The following PAK3 variants were observed in gnomAD, a reference collection of about 807,000 sequenced individuals.
PAK3 encodes p21 (RAC1) activated kinase 3, also known as serine/threonine-protein kinase PAK 3.
In PAK3, 4 loss-of-function variants were observed where a neutral mutation model predicts 41.0. That is an observed-to-expected ratio of 0.10 (90% CI 0.05 to 0.22). The LOEUF (loss-of-function observed/expected upper bound fraction) is 0.22. Among genes scored for constraint, PAK3 ranks in the 10% least tolerant of loss-of-function variants. PAK3 has a pLI of 1.00. For missense variants in PAK3, 205 were observed against 409.9 expected (o/e 0.50, Z 4.32); for synonymous variants, 146 against 139.6 (o/e 1.05, Z -0.32).
At chrX:111,006,765 G>C (rs1214554823) in intron 1 of PAK3, among the ~76,000 whole-genome samples, 1 of 109,486 alleles carries the variant, frequency 9.1e-6, no homozygotes, top group Non-Finnish European at 1.9e-5. Context: ...TTAAAATTCA[G>C]TTTCTGATTC....
intron 1 of PAK3, among the ~76,000 whole-genome samples, chrX:111,039,131 A>G (rs1033227488): frequency 8.9e-6 from 1 of 112,192 alleles, no homozygotes; most frequent in Non-Finnish European, 1.9e-5. Flanking sequence ...GTTTTCTTGG[A>G]TGACATTTTA....
rs1173602433 is a variant in PAK3, at chrX:111,111,998, CT to C, written c.-28+8696del. Among the ~76,000 whole-genome samples, 4 of 111,514 alleles carry C rather than the reference CT, an allele frequency of 3.6e-5. No homozygotes were observed. In the East Asian group the frequency reaches 1.1e-3, roughly 32 times the overall value. On this transcript the variant is annotated intron_variant, in intron 4 of 17. Transcript: ENST00000372007. ...TTGACTGATTATCTTAGTGTTGTCA[CT>C]TTTCAAAATGATTTCCATGTTCCTA...
rs185560418 is a variant in PAK3 at position 111,139,583 on chromosome X, G to A, written c.176-2513G>A. Among the ~76,000 whole-genome samples the A allele has an allele frequency of 4.5e-5, 5 of 112,057 alleles. No individual in the cohort carries two copies. In the East Asian group the frequency reaches 1.4e-3, roughly 32 times the overall value. ...TGTGATAGAGAACACCAGAAGAGGA[G>A]CAAACTTGGGCTTCCTGCCTTTGTT... On this transcript the variant is annotated intron_variant, in intron 5 of 17. Coordinates refer to ENST00000372007, the MANE Select transcript of PAK3 (RefSeq NM_002578.5).
At chrX:111,179,027 AT>A (rs924950637) in intron 11 of PAK3, among the ~76,000 whole-genome samples, 1 of 105,987 alleles carries the variant, frequency 9.4e-6, no homozygotes, top group Admixed American at 1.0e-4. Context: ...ATATATATAT[AT>A]ATATGGTTGA....
intron 1 of PAK3, among the ~76,000 whole-genome samples, chrX:110,966,135 A>AT (rs764451501): frequency 9.0e-6 from 1 of 111,717 alleles, no homozygotes; most frequent in Non-Finnish European, 1.9e-5. Flanking sequence ...AGAAATGTAT[A>AT]TTTTTTTCAA....
chrX:111,215,700 A>G (rs2094872337), intron 16 of PAK3, among the ~76,000 whole-genome samples: 1 of 112,220 alleles, frequency 8.9e-6, no homozygotes, highest in African/African-American at 3.2e-5. Context: ...GAAATATACA[A>G]TTATTAGCAA....
chrX:111,130,185 A>G (rs2093698559), intron 5 of PAK3, among the ~76,000 whole-genome samples: 1 of 111,755 alleles, frequency 8.9e-6, no homozygotes, highest in Admixed American at 9.5e-5. Flanking sequence ...GTTTTTGAAG[A>G]TGATACCACT....
intron 1 of PAK3, among the ~76,000 whole-genome samples, chrX:111,027,368 G>A (rs948880275): frequency 1.9e-4 from 21 of 112,082 alleles, no homozygotes; most frequent in African/African-American, 6.5e-4. Flanking sequence ...ATAATCAGCA[G>A]AGTTAACAGA....
At chrX:111,155,018 A>C (rs1413655068) in intron 8 of PAK3, among the ~76,000 whole-genome samples, 1 of 111,532 alleles carries the variant, frequency 9.0e-6, no homozygotes, top group Non-Finnish European at 1.9e-5. Flanking sequence ...ATTAAAATGA[A>C]GTCTATGTTA....
intron 5 of PAK3, among the ~76,000 whole-genome samples, chrX:111,132,528 C>T (rs1366262800): frequency 9.0e-6 from 1 of 110,684 alleles, no homozygotes; most frequent in Non-Finnish European, 1.9e-5. Context: ...GTGCACCTCC[C>T]AGGAGGGCCT....
chrX:110,997,690 T>C (rs758161395), intron 1 of PAK3, among the ~76,000 whole-genome samples: 2 of 111,660 alleles, frequency 1.8e-5, no homozygotes, highest in Non-Finnish European at 3.8e-5. Flanking sequence ...CTTGTTAAGT[T>C]TGATGTGCAG....
intron 1 of PAK3, among the ~76,000 whole-genome samples, chrX:110,964,293 G>A (rs2091038399): frequency 1.8e-5 from 2 of 111,944 alleles, no homozygotes; most frequent in Non-Finnish European, 3.8e-5. Context: ...TGAGATCCAA[G>A]GCCATGTTTT....
intron 10 of PAK3, 31 bp downstream of exon 10, chrX:111,163,758 C>T (rs747885738): frequency 1.9e-6 from 2 of 1,075,693 alleles, no homozygotes; most frequent in Non-Finnish European, 2.6e-6. Flanking sequence ...TTACTTTCTA[C>T]ACGGGAGTGT....
chrX:110,984,931 C>G (rs1273212982), intron 1 of PAK3, among the ~76,000 whole-genome samples: 2 of 110,316 alleles, frequency 1.8e-5, no homozygotes, highest in African/African-American at 6.6e-5. Context: ...GAGTTTGAGA[C>G]CAGCCTGGGC....
intron 1 of PAK3, among the ~76,000 whole-genome samples, chrX:111,059,619 C>G (rs939438407): frequency 1.8e-5 from 2 of 108,828 alleles, no homozygotes; most frequent in Non-Finnish European, 3.8e-5. Flanking sequence ...CTTCCAACAA[C>G]GTTTTATTGT....
intron 1 of PAK3, among the ~76,000 whole-genome samples, chrX:111,012,868 C>A (rs1337765): frequency 9.0e-6 from 1 of 110,748 alleles, no homozygotes; most frequent in Non-Finnish European, 1.9e-5. Flanking sequence ...CTGCAGCCTT[C>A]ACTTTCCTGG....
At chrX:111,045,179 T>C (rs1322002250) in intron 1 of PAK3, among the ~76,000 whole-genome samples, 1 of 112,003 alleles carries the variant, frequency 8.9e-6, no homozygotes, top group African/African-American at 3.2e-5. Flanking sequence ...TCTGGAAAGA[T>C]GCCAATAAGG....
At chrX:111,203,859 C>A (rs1449928927) in intron 16 of PAK3, among the ~76,000 whole-genome samples, 1 of 111,721 alleles carries the variant, frequency 9.0e-6, no homozygotes. Flanking sequence ...GAGAAGCAAG[C>A]ATACTTTGCT....
intron 1 of PAK3, among the ~76,000 whole-genome samples, chrX:110,993,450 A>G (rs1372202535): frequency 9.0e-6 from 1 of 111,600 alleles, no homozygotes; most frequent in Non-Finnish European, 1.9e-5. Context: ...ATATTCCGAC[A>G]TCCCTGCCAG....
Sources: gnomAD v4.1 joint callset for allele counts (sites outside exome capture counted in the v4.1 genomes callset) on GRCh38, gnomAD v4.1.1 for gene constraint, MANE v1.5 for transcripts, NCBI Gene and HGNC (gene_info 2026-07-23, HGNC 2026-07-21) for gene names.